RNF38: variants seen among roughly 807,000 people sequenced by gnomAD.
RNF38 encodes ring finger protein 38.
A neutral mutation model predicts 67.2 loss-of-function variants in RNF38; 15 were observed. That is an observed-to-expected ratio of 0.22 (90% confidence interval 0.15 to 0.34). The LOEUF is 0.34. Among genes scored for constraint, RNF38 ranks in the 10% least tolerant of loss-of-function variants. The pLI is 1.00. For synonymous variants in RNF38, 220 were observed against 218.8 expected, an observed-to-expected ratio of 1.01 and a Z score of -0.05; for missense variants, 524 against 639.9, an observed-to-expected ratio of 0.82 and a Z score of 1.95.
intron 2 of RNF38, among the ~76,000 whole-genome samples, chr9:36,390,021 G>C (rs934452053): frequency 6.6e-6 from 1 of 152,036 alleles, no homozygotes; most frequent in African/African-American, 2.4e-5. Flanking sequence ...TTTAACTCAC[G>C]TTTACCCACA....
intron 1 of RNF38, among the ~76,000 whole-genome samples, chr9:36,480,438 G>C (rs1375709428): frequency 2.6e-5 from 4 of 151,890 alleles, no homozygotes; most frequent in Non-Finnish European, 5.9e-5. Context: ...CCAAGGTGCA[G>C]AAGCAGAATG....
chr9:36,401,298 G>A, upstream of RNF38: 2 of 611,450 alleles, frequency 3.3e-6, no homozygotes, highest in Non-Finnish European at 3.9e-6. Context: ...GCGCAGCCCC[G>A]CCCCAGCCCG....
rs535206759 is a variant in RNF38, at chr9:36,462,728, T to G, written n.241+24580A>C. 7.5e-4 allele frequency among the ~76,000 whole-genome samples: 113 copies of G among 151,406 alleles called. 2 individuals are homozygous for G. The South Asian group carries it at 0.022, about 30-fold the overall frequency. Reference sequence around the variant, plus strand: ...CCTGCTCTGTCGCCCAGGCTGGAGATCAGTGGCATGATCTCAGCTCACCAC... The same window carrying G: ...CCTGCTCTGTCGCCCAGGCTGGAGAGCAGTGGCATGATCTCAGCTCACCAC... On this transcript the variant is annotated intron_variant and non_coding_transcript_variant, in intron 1 of 3. Coordinates refer to the RNF38 transcript ENST00000488058.
chr9:36,362,231 A>C (rs2133659930), intron 4 of RNF38, among the ~76,000 whole-genome samples: 1 of 151,836 alleles, frequency 6.6e-6, no homozygotes, highest in Non-Finnish European at 1.5e-5. Flanking sequence ...GGTGGTGGGC[A>C]CCTATAATCC....
At position 36,363,063 on chromosome 9, in the gene RNF38, T is replaced by TCATC. The variant is rs1001506306; in HGVS notation, c.571-5125_571-5122dup. Among the ~76,000 whole-genome samples, 64 of 99,444 alleles carry TCATC rather than the reference T, an allele frequency of 6.4e-4. 21 individuals carry two copies. Among genetic ancestry groups the TCATC allele is most frequent in the South Asian group, 1.4e-3 (4 of 2,880 alleles). 65.2% of individuals were successfully genotyped at this position (99,444 alleles called of 152,430 possible). ...TCTATGAGACAGGGGTCTTGCTCTA[T>TCATC]CATCCATCCATCCATCCATCCATCC... On this transcript the variant is annotated intron_variant, in intron 4 of 11. Coordinates refer to ENST00000259605, the MANE Select transcript of RNF38 (RefSeq NM_022781.5).
chr9:36,353,068 G>A, intron 7 of RNF38, 102 bp downstream of exon 7: 3 of 1,079,838 alleles, frequency 2.8e-6, no homozygotes, highest in South Asian at 1.4e-5. Flanking sequence ...ATGCTGTCGA[G>A]AATACATATA....
chr9:36,381,224 G>C (rs746383178), intron 2 of RNF38, among the ~76,000 whole-genome samples: 30 of 152,232 alleles, frequency 2.0e-4, no homozygotes, highest in African/African-American at 5.3e-4. Context: ...CTTTACATGA[G>C]TAAATACAAA....
At chr9:36,426,049 A>G (rs1019547545) in intron 1 of RNF38, among the ~76,000 whole-genome samples, 2 of 152,210 alleles carry the variant, frequency 1.3e-5, no homozygotes, top group African/African-American at 4.8e-5. Context: ...AAGTAACATG[A>G]GGCTGAAGAC....
intron 1 of RNF38, among the ~76,000 whole-genome samples, chr9:36,431,478 G>A (rs999673169): frequency 1.5e-4 from 23 of 152,144 alleles, no homozygotes; most frequent in African/African-American, 5.3e-4. Flanking sequence ...GTCCCTCTTT[G>A]ACAAAAACAC....
intron 1 of RNF38, among the ~76,000 whole-genome samples, chr9:36,446,103 G>A (rs1839294697): frequency 6.6e-6 from 1 of 152,088 alleles, no homozygotes; most frequent in African/African-American, 2.4e-5. Context: ...TGTTCTGTGT[G>A]GTCCATGAGC....
At chr9:36,464,356 C>A (rs1839810433) in intron 1 of RNF38, among the ~76,000 whole-genome samples, 1 of 151,944 alleles carries the variant, frequency 6.6e-6, no homozygotes, top group Non-Finnish European at 1.5e-5. Flanking sequence ...ATCACAAGGT[C>A]AGGAGTTCGA....
chr9:36,464,778 C>A (rs1412383262), intron 1 of RNF38, among the ~76,000 whole-genome samples: 1 of 151,990 alleles, frequency 6.6e-6, no homozygotes, highest in Non-Finnish European at 1.5e-5. Context: ...ATCAATCTGG[C>A]TACATAATTG....
At position 36,375,806 on chromosome 9, in the gene RNF38, G is replaced by A. The variant is rs371587931; in HGVS notation, c.356+128C>T. On this transcript the variant is annotated intron_variant, in intron 3 of 11. Coordinates refer to ENST00000259605, the MANE Select transcript of RNF38 (RefSeq NM_022781.5). ...ATCTAGGCAACTTTCTTTTTCGTGA[G>A]TGAATGTACGTGTATATGTGGTGAT... The A allele has an allele frequency of 6.6e-5, 52 of 782,746 alleles. No homozygotes were observed. The East Asian group carries it at 7.9e-4, about 12-fold the overall frequency. 48.5% of individuals were successfully genotyped at this position (782,746 alleles called of 1,614,324 possible). A position where few individuals can be genotyped will look rare whatever the true frequency, so the allele number is the denominator to read the frequency against.
chr9:36,395,235 A>G (rs1459322670), intron 1 of RNF38, among the ~76,000 whole-genome samples: 1 of 152,204 alleles, frequency 6.6e-6, no homozygotes, highest in Admixed American at 6.5e-5. Context: ...TATTATTAGT[A>G]ATTATCGCAC....
intron 1 of RNF38, among the ~76,000 whole-genome samples, chr9:36,395,213 G>A (rs1024193394): frequency 6.6e-6 from 1 of 152,122 alleles, no homozygotes; most frequent in Non-Finnish European, 1.5e-5. Flanking sequence ...ACTTTTCTTG[G>A]AGACTTGCAG....
intron 9 of RNF38, 86 bp downstream of exon 9, chr9:36,351,029 G>A (rs941110433): frequency 7.5e-6 from 7 of 932,360 alleles, no homozygotes; most frequent in African/African-American, 3.3e-5. Flanking sequence ...CCAAAAGATT[G>A]GACACCTGTG....
intron 2 of RNF38, among the ~76,000 whole-genome samples, chr9:36,409,481 A>C (rs1009968666): frequency 4.6e-5 from 7 of 152,206 alleles, no homozygotes; most frequent in African/African-American, 1.4e-4. Flanking sequence ...GAGATGCAAG[A>C]AACATTCGAA....
chr9:36,480,581 T>C (rs974688290), intron 1 of RNF38, among the ~76,000 whole-genome samples: 1 of 138,596 alleles, frequency 7.2e-6, no homozygotes, highest in African/African-American at 2.7e-5. Context: ...AGACAGGGTC[T>C]CACTCTGTTC....
intron 10 of RNF38, among the ~76,000 whole-genome samples, chr9:36,342,664 A>G (rs1832934717): frequency 6.6e-6 from 1 of 152,186 alleles, no homozygotes; most frequent in South Asian, 2.1e-4. Flanking sequence ...CAAAGATTCT[A>G]TACTATTTAA....
Sources: allele counts gnomAD v4.1 joint callset (sites outside exome capture counted in the v4.1 genomes callset), GRCh38; gene constraint gnomAD v4.1.1; transcripts MANE v1.5; gene names NCBI Gene and HGNC (gene_info 2026-07-23, HGNC 2026-07-21).